Variants in LRCH1 observed in about 807,000 individuals in gnomAD.
The protein encoded by LRCH1 is leucine rich repeats and calponin homology domain containing 1, also known as leucine-rich repeat and calponin homology domain-containing protein 1.
Under a neutral mutation model 94.9 loss-of-function variants are expected in LRCH1, and 23 were observed. The ratio of observed to expected loss-of-function variants is 0.24; its 90% CI spans 0.17 to 0.34. LRCH1 has a LOEUF of 0.34. LRCH1 is among the 10% of genes least tolerant of loss of function. LRCH1 has a pLI of 1.00. For missense variants in LRCH1, 790 were observed against 945.9 expected (o/e 0.84, Z 2.16); for synonymous variants, 364 against 354.9 (o/e 1.03, Z -0.29).
intron 2 of LRCH1, among the ~76,000 whole-genome samples, chr13:46,661,169 A>C (rs560250922): frequency 1.3e-5 from 2 of 152,266 alleles, no homozygotes; most frequent in Non-Finnish European, 2.9e-5. Flanking sequence ...AAAAGGCTGC[A>C]CTGTGTAGAG....
chr13:46,732,889 G>T (rs932944256), intron 18 of LRCH1, among the ~76,000 whole-genome samples: 1 of 152,220 alleles, frequency 6.6e-6, no homozygotes, highest in African/African-American at 2.4e-5. Context: ...CGTGAGGGAC[G>T]TGACTTCCTC....
Position 46,710,326 on chromosome 13 carries a change from G to A in LRCH1, c.1528-1465G>A, listed in dbSNP as rs185164047. Among the ~76,000 whole-genome samples the A allele has an allele frequency of 1.8e-4, 28 of 152,322 alleles. No homozygotes were observed. In the East Asian group the frequency reaches 4.8e-3, roughly 26 times the overall value. ...GTAGCCAGGAGGCTATGTTGAGCAA[G>A]ACACCGTGGCTGTGGGGGATCAGCT... On this transcript the variant is annotated intron_variant, in intron 13 of 19. Coordinates refer to ENST00000389797, the MANE Select transcript of LRCH1 (RefSeq NM_001164211.2).
chr13:46,688,302 T>C (rs1245053152), intron 6 of LRCH1, among the ~76,000 whole-genome samples: 2 of 152,200 alleles, frequency 1.3e-5, no homozygotes, highest in Non-Finnish European at 2.9e-5. Context: ...AATGTGAATA[T>C]TTTTTACTTA....
chr13:46,727,599 T>C (rs887529605), intron 17 of LRCH1, among the ~76,000 whole-genome samples: 1 of 152,106 alleles, frequency 6.6e-6, no homozygotes, highest in East Asian at 1.9e-4. Flanking sequence ...GCCTCCTGAG[T>C]TCAAGTGATT....
chr13:46,571,872 A>G (rs191206406), intron 1 of LRCH1, among the ~76,000 whole-genome samples: 9 of 141,804 alleles, frequency 6.3e-5, no homozygotes, highest in South Asian at 2.6e-4. Context: ...CACTTGGGGT[A>G]TGTGTGTGTG....
downstream of LRCH1, among the ~76,000 whole-genome samples, chr13:46,746,495 G>A (rs541107471): frequency 6.6e-6 from 1 of 152,184 alleles, no homozygotes; most frequent in Non-Finnish European, 1.5e-5. Flanking sequence ...TTATGCAGGA[G>A]ACTACTTCAT....
At chr13:46,732,779 CTGTTTG>C (rs1873174012) in intron 18 of LRCH1, among the ~76,000 whole-genome samples, 1 of 152,204 alleles carries the variant, frequency 6.6e-6, no homozygotes, top group African/African-American at 2.4e-5. Flanking sequence ...AGGTCTGCTT[CTGTTTG>C]CACAAGGCTT....
intron 1 of LRCH1, among the ~76,000 whole-genome samples, chr13:46,649,561 A>G (rs145793257): frequency 6.6e-6 from 1 of 152,324 alleles, no homozygotes; most frequent in Non-Finnish European, 1.5e-5. Flanking sequence ...CTTAACAGAT[A>G]CAATTTATCT....
At chr13:46,682,213 C>A (rs1018934066) in intron 4 of LRCH1, among the ~76,000 whole-genome samples, 6 of 152,020 alleles carry the variant, frequency 3.9e-5, no homozygotes, top group Non-Finnish European at 5.9e-5. Context: ...ATCAAGGTGC[C>A]AGCAGGGTTG....
chr13:46,702,200 A>G (rs1470036827), intron 11 of LRCH1, among the ~76,000 whole-genome samples: 1 of 46,936 alleles, frequency 2.1e-5, no homozygotes, highest in Non-Finnish European at 3.4e-5. Context: ...GATTGCCTTG[A>G]GAAGTTATAA....
rs755908665 is a variant in LRCH1 at position 46,705,177 on chromosome 13, C to T, written c.1490+20C>T. 6.3e-6 allele frequency: 10 copies of T among 1,594,052 alleles called. No individual in the cohort carries two copies. Among genetic ancestry groups the T allele is most frequent in the East Asian group, 2.2e-5 (1 of 44,794 alleles). ...ACTGAAGTATGCTTGCCTTTTATAA[C>T]AAATTATGTTTTCTCTTTTCATAAT... On this transcript the variant is annotated intron_variant, in intron 12 of 19. Transcript: ENST00000389797.
At chr13:46,605,851 C>T (rs2050681127) in intron 1 of LRCH1, among the ~76,000 whole-genome samples, 1 of 152,150 alleles carries the variant, frequency 6.6e-6, no homozygotes, top group Non-Finnish European at 1.5e-5. Flanking sequence ...TTAGAATTCA[C>T]ATTCTAGGTT....
intron 16 of LRCH1, among the ~76,000 whole-genome samples, chr13:46,718,698 T>C (rs1872447620): frequency 6.6e-6 from 1 of 152,250 alleles, no homozygotes; most frequent in African/African-American, 2.4e-5. Context: ...GTGAGAGTTC[T>C]GATTCACAGT....
chr13:46,554,371 C>A (rs769120373), intron 1 of LRCH1, among the ~76,000 whole-genome samples: 12 of 152,256 alleles, frequency 7.9e-5, no homozygotes, highest in Non-Finnish European at 1.3e-4. Flanking sequence ...AGTCGGCTGC[C>A]GCTTCGGAAG....
At chr13:46,625,266 C>T (rs753058083) in intron 1 of LRCH1, among the ~76,000 whole-genome samples, 39 of 152,332 alleles carry the variant, frequency 2.6e-4, no homozygotes, top group Admixed American at 6.5e-4. Flanking sequence ...TGTACTCCAC[C>T]TATCTGTTGC....
At chr13:46,699,609 C>T (rs1351464467) in intron 10 of LRCH1, among the ~76,000 whole-genome samples, 7 of 152,140 alleles carry the variant, frequency 4.6e-5, no homozygotes, top group South Asian at 4.1e-4. Flanking sequence ...CTTACTTGGC[C>T]TTGAGTCTTA....
chr13:46,673,425 C>CA (rs1593342387), intron 3 of LRCH1, among the ~76,000 whole-genome samples: 2 of 152,210 alleles, frequency 1.3e-5, no homozygotes, highest in East Asian at 3.8e-4. Context: ...CATCCATTCT[C>CA]ACTTATCTTT....
In LRCH1 at chr13:46,553,700, G is replaced by T; in HGVS notation, c.304G>T (p.Ala102Ser). The change falls in exon 1 of 20, where the codon GCA becomes TCA. Residue 102 changes from alanine (A) to serine (S), a missense_variant. By Grantham distance (99) the Ala-to-Ser change is moderately conservative. Around this residue, in one of 3 missense-constraint regions of LRCH1, gnomAD observed 194 missense variants for 293.5 expected, o/e 0.66. Transcript: ENST00000389797. ...GCACGACCTCTCGGACACGGTGCAG[G>T]CAGGTGAGTGAGGGCCGAGGGGCGG... ...PGHDLSDTVQ[A>S]DLSKNRLVEV... 6.2e-7 allele frequency: 1 copy of T among 1,609,488 alleles called. No homozygotes were observed. The highest frequency in any genetic ancestry group is 8.5e-7 in the Non-Finnish European group (1 of 1,179,188).
rs149725759 is a variant in LRCH1, at chr13:46,644,720, A to G, written c.308-5481A>G. Among the ~76,000 whole-genome samples the G allele has an allele frequency of 7.3e-3, 1,107 of 152,358 alleles. 4 individuals are homozygous for G. Among genetic ancestry groups the G allele is most frequent in the Non-Finnish European group, 0.012 (821 of 68,038 alleles). On this transcript the variant is annotated intron_variant, in intron 1 of 19. Coordinates refer to ENST00000389797, the MANE Select transcript of LRCH1 (RefSeq NM_001164211.2). ...GTGAATTCTCACTAACTCAGTGGAC[A>G]GGGTGGTCTGCCTGTTTGTCCCCCA...
Sources: allele counts gnomAD v4.1 joint callset (sites outside exome capture counted in the v4.1 genomes callset), GRCh38; gene constraint gnomAD v4.1.1; regional missense constraint gnomAD v4.1.1; transcripts MANE v1.5; gene names NCBI Gene and HGNC (gene_info 2026-07-23, HGNC 2026-07-21).